The following KLC2 variants were observed in gnomAD, a reference collection of about 807,000 sequenced individuals.
KLC2 encodes kinesin light chain 2, also known as KLC 2.
Under a neutral mutation model 75.1 loss-of-function variants are expected in KLC2, and 35 were observed. That is an observed-to-expected ratio of 0.47 (90% confidence interval 0.36 to 0.62). The LOEUF is 0.62. Among genes scored for constraint, KLC2 ranks in the 20% least tolerant of loss-of-function variants. The probability of loss-of-function intolerance (pLI) is 0.00; values close to 1 mark genes in which losing one functional copy is unlikely to be tolerated. For synonymous variants in KLC2, 314 were observed against 336.7 expected (o/e 0.93, Z 0.74); for missense variants, 611 against 833.2 (o/e 0.73, Z 3.28).
the KLC2 span, among the ~76,000 whole-genome samples, chr11:66,245,812 G>A: frequency 6.6e-6 from 1 of 152,244 alleles, no homozygotes; most frequent in Non-Finnish European, 1.5e-5. Flanking sequence ...AACCCGGGAG[G>A]CGGAGGTTGC....
upstream of KLC2, chr11:66,257,475 T>A (rs563777189): frequency 6.6e-6 from 1 of 152,380 alleles, no homozygotes; most frequent in Admixed American, 6.5e-5. Flanking sequence ...GATGGCGCCA[T>A]GGCGCCACAC....
the KLC2 span, chr11:66,244,146 C>T: frequency 1.3e-5 from 2 of 152,394 alleles, no homozygotes; most frequent in Non-Finnish European, 2.9e-5. Context: ...CAGCCCCTCA[C>T]CCAGCACAGC....
rs1375334253 is a variant in KLC2, at chr11:66,261,076, AAAAAAGAG to A, written c.229-664_229-657del. On this transcript the variant is annotated intron_variant, in intron 2 of 15. Coordinates refer to ENST00000394067, the MANE Select transcript of KLC2 (RefSeq NM_001318734.2). Reference sequence around the variant, plus strand: ...ATTGTCTTAAATTAAAAAAAAAAAAAAAAAAGAGAGAGCAAGAAGGGAGGTTGGACCCT... The same window carrying A: ...ATTGTCTTAAATTAAAAAAAAAAAAAAGAGCAAGAAGGGAGGTTGGACCCT... The A allele has an allele frequency of 1.5e-3, 229 of 151,442 alleles. 2 individuals are homozygous for A. Among genetic ancestry groups the A allele is most frequent in the Non-Finnish European group, 4.1e-4 (28 of 67,902 alleles). The allele number at this position is 151,442 out of a possible 1,614,324, so 9.4% of individuals were successfully genotyped here.
At chr11:66,263,634 C>T (rs1214113002) in intron 5 of KLC2, 26 bp from the exon 6 acceptor site, 1 of 1,561,206 alleles carries the variant, frequency 6.4e-7, no homozygotes, top group Admixed American at 1.7e-5. Flanking sequence ...GAGGACAGCC[C>T]TGACCATGCT....
At chr11:66,252,412 A>AGTAGCTGGGACTACAGGAGCCC (rs1855971073), upstream of KLC2, among the ~76,000 whole-genome samples, 1 of 114,398 alleles carries the variant, frequency 8.7e-6, no homozygotes, top group Admixed American at 8.0e-5. Flanking sequence ...CAGCCTCCCG[A>AGTAGCTGGGACTACAGGAGCCC]GCCACCATGC....
At chr11:66,250,599 C>T in the KLC2 span, among the ~76,000 whole-genome samples, 20 of 152,122 alleles carry the variant, frequency 1.3e-4, no homozygotes, top group Admixed American at 3.3e-4. Context: ...AGCAGACCAT[C>T]GCCACACAGC....
At chr11:66,260,470 G>A (rs530113011) in intron 2 of KLC2, among the ~76,000 whole-genome samples, 11 of 152,220 alleles carry the variant, frequency 7.2e-5, no homozygotes, top group Non-Finnish European at 1.0e-4. Flanking sequence ...ATCCTGAACC[G>A]GGAAGGACTG....
the KLC2 span, among the ~76,000 whole-genome samples, chr11:66,249,233 A>G: frequency 6.6e-6 from 1 of 152,210 alleles, no homozygotes; most frequent in Non-Finnish European, 1.5e-5. Flanking sequence ...TGCCCTTCTC[A>G]GCGCAGCCTG....
At chr11:66,253,012 T>A (rs898243750), upstream of KLC2, among the ~76,000 whole-genome samples, 1 of 145,950 alleles carries the variant, frequency 6.9e-6, no homozygotes, top group East Asian at 2.0e-4. Flanking sequence ...TGACTTTTTT[T>A]TTTTTTTTTT....
At chr11:66,255,692 G>GGGCT (rs1856004090), upstream of KLC2, among the ~76,000 whole-genome samples, 1 of 151,922 alleles carries the variant, frequency 6.6e-6, no homozygotes, top group African/African-American at 2.4e-5. Flanking sequence ...CCGGAGAGGG[G>GGGCT]GGCTGGATGG....
At chr11:66,246,648 C>A in the KLC2 span, among the ~76,000 whole-genome samples, 1 of 152,142 alleles carries the variant, frequency 6.6e-6, no homozygotes, top group Non-Finnish European at 1.5e-5. Context: ...AGCTGCCATG[C>A]CTTGTCTCTG....
Position 66,266,187 on chromosome 11 carries a change from G to A in KLC2, c.1697G>A (p.Gly566Glu). 1 of 1,611,180 alleles carries A rather than the reference G, an allele frequency of 6.2e-7. No individual in the cohort carries two copies. The highest frequency in any genetic ancestry group is 8.5e-7 in the Non-Finnish European group (1 of 1,179,042). The change falls in exon 14 of 16, where the codon GGG becomes GAG. Residue 566 changes from glycine (G) to glutamate (E), a missense_variant. Physicochemically the swap from Gly to Glu is moderately conservative, Grantham distance 98. Coordinates refer to ENST00000394067, the MANE Select transcript of KLC2 (RefSeq NM_001318734.2). The stretch of plus-strand genomic sequence containing the variant: ...GAGATGCTGGTAAAGAAGCTGCAGG[G>A]GGGCACCCCCCAGGAGCCCCCTAAC... The part of the protein sequence containing the change: ...SSEMLVKKLQ[G>E]GTPQEPPNPR...
chr11:66,261,414 A>G (rs2134810122), intron 2 of KLC2: 1 of 240,498 alleles, frequency 4.2e-6, no homozygotes, highest in Non-Finnish European at 8.1e-6. Context: ...GTGGCAGCAG[A>G]GGCTTGAGTA....
chr11:66,250,684 G>A, the KLC2 span, among the ~76,000 whole-genome samples: 2,106 of 152,268 alleles, frequency 0.014, 40 homozygotes, highest in African/African-American at 0.047. Context: ...ATGTCCCAAA[G>A]GGAATGACAC....
chr11:66,263,410 G>A (rs1314580739), intron 5 of KLC2, among the ~76,000 whole-genome samples: 1 of 152,232 alleles, frequency 6.6e-6, no homozygotes, highest in Non-Finnish European at 1.5e-5. Context: ...GGAGAGCCAT[G>A]TGGCGCCCAG....
chr11:66,264,534 G>A, intron 9 of KLC2, 90 bp downstream of exon 9: 4 of 983,098 alleles, frequency 4.1e-6, no homozygotes, highest in Non-Finnish European at 6.4e-6. Context: ...AGCAGGGCAG[G>A]CCCTCAGGCT....
rs1151539 is a variant in KLC2, at chr11:66,264,189, C to T, written c.1086C>T (p.Asp362=). The stretch of plus-strand genomic sequence containing the variant: ...ATGCTACACGCCTCGGGCCCGATGA[C>T]CCCAATGTGGCCAAGACCAAGAACA... ...EIYATRLGPD[D]PNVAKTKNNL... Residue 362 remains aspartate (D), a synonymous_variant, in exon 8 of 16, where the codon GAC becomes GAT. Coordinates refer to ENST00000394067, the MANE Select transcript of KLC2 (RefSeq NM_001318734.2). The T allele has an allele frequency of 0.45, 707,906 of 1,568,692 alleles. 163,784 individuals are homozygous for T. The highest frequency in any genetic ancestry group is 0.5 in the Admixed American group (26,180 of 52,708).
chr11:66,266,227 C>A lies in KLC2; in HGVS notation c.1727+10C>A. 1.3e-6 allele frequency: 2 copies of A among 1,592,570 alleles called. No individual in the cohort carries two copies. The highest frequency in any genetic ancestry group is 1.7e-6 in the Non-Finnish European group (2 of 1,168,940). ...AGCCCCCTAACCCCAGGTGAGCCCC[C>A]CACCAAGGTGAGCCTCAAGAACCAC... On this transcript the variant is annotated intron_variant, in intron 14 of 15. Coordinates refer to ENST00000394067, the MANE Select transcript of KLC2 (RefSeq NM_001318734.2).
the KLC2 span, among the ~76,000 whole-genome samples, chr11:66,251,543 C>T: frequency 5.3e-5 from 7 of 132,808 alleles, 1 homozygote; most frequent in South Asian, 9.5e-4. Context: ...GAGGCCGAGG[C>T]GGGCAGATCA....
Sources: gnomAD v4.1 joint callset for allele counts (sites outside exome capture counted in the v4.1 genomes callset) on GRCh38, gnomAD v4.1.1 for gene constraint, MANE v1.5 for transcripts, NCBI Gene and HGNC (gene_info 2026-07-23, HGNC 2026-07-21) for gene names.